The following CDK19 variants were observed in gnomAD, a reference collection of about 807,000 sequenced individuals.
CDK19 encodes the protein cyclin dependent kinase 19, also known as cyclin-dependent kinase 19.
Under a neutral mutation model 68.3 loss-of-function variants are expected in CDK19, and 20 were observed. The observed-to-expected ratio is 0.29, with a 90% CI of 0.21 to 0.43. The LOEUF is 0.43. Ranked by LOEUF, CDK19 falls within the 20% of genes least tolerant of loss-of-function variation. The pLI is 1.00. For synonymous variants in CDK19, 221 were observed against 222.8 expected (o/e 0.99, Z 0.07); for missense variants, 339 against 623.5 (o/e 0.54, Z 4.86).
At chr6:110,623,269 G>T in intron 9 of CDK19, 21 bp downstream of exon 9, 1 of 1,599,534 alleles carries the variant, frequency 6.3e-7, no homozygotes, top group Non-Finnish European at 8.6e-7. Flanking sequence ...TCAGATTTTA[G>T]TCTGGGAGAG....
chr6:110,656,132 T>C (rs939697567), intron 4 of CDK19, among the ~76,000 whole-genome samples: 2 of 152,220 alleles, frequency 1.3e-5, no homozygotes, highest in Non-Finnish European at 2.9e-5. Context: ...CATCCTTGAA[T>C]GTACCTCATA....
intron 4 of CDK19, among the ~76,000 whole-genome samples, chr6:110,662,314 A>C (rs527863621): frequency 5.9e-5 from 9 of 152,230 alleles, no homozygotes; most frequent in African/African-American, 1.7e-4. Flanking sequence ...TGAGACCCTA[A>C]AGCATTCATT....
chr6:110,762,958 C>T (rs974545078), intron 1 of CDK19, among the ~76,000 whole-genome samples: 1 of 152,176 alleles, frequency 6.6e-6, no homozygotes, highest in African/African-American at 2.4e-5. Context: ...ACTGACTTCA[C>T]TGGCTATCTG....
At chr6:110,727,535 T>C (rs528363354) in intron 2 of CDK19, among the ~76,000 whole-genome samples, 1 of 152,334 alleles carries the variant, frequency 6.6e-6, no homozygotes, top group Non-Finnish European at 1.5e-5. Flanking sequence ...TGCTCTTGTA[T>C]AATCCTCTTC....
chr6:110,726,605 T>C (rs960214403), intron 2 of CDK19, among the ~76,000 whole-genome samples: 4 of 152,166 alleles, frequency 2.6e-5, no homozygotes, highest in African/African-American at 4.8e-5. Flanking sequence ...GAACTAGTGG[T>C]TTGGACTTAT....
chr6:110,641,161 A>G (rs981995941), intron 4 of CDK19, among the ~76,000 whole-genome samples: 8 of 145,384 alleles, frequency 5.5e-5, no homozygotes, highest in Non-Finnish European at 4.5e-5. Flanking sequence ...ACCATACTAG[A>G]AAAAAAAAAC....
rs973932777 is a variant in CDK19, at chr6:110,815,384, C to A, written c.-248G>T. Reference sequence around the variant, plus strand: ...GCGGCGGCGGCTCCCGCAGGCACCCCCAGTCCCGCCTCCCTCCTTCATTTC... The same window carrying A: ...GCGGCGGCGGCTCCCGCAGGCACCCACAGTCCCGCCTCCCTCCTTCATTTC... On this transcript the variant is annotated 5_prime_UTR_variant, in exon 1 of 13. Transcript: ENST00000368911. 2.7e-6 allele frequency: 1 copy of A among 376,648 alleles called. No homozygotes were observed. The highest frequency in any genetic ancestry group is 4.7e-6 in the Non-Finnish European group (1 of 213,386). The allele number at this position is 376,648 out of a possible 1,614,324, so 23.3% of individuals were successfully genotyped here. A position where few individuals can be genotyped will look rare whatever the true frequency, so the allele number is the denominator to read the frequency against.
chr6:110,698,634 T>A (rs1030736555), intron 2 of CDK19, among the ~76,000 whole-genome samples: 1 of 152,128 alleles, frequency 6.6e-6, no homozygotes, highest in Admixed American at 6.5e-5. Context: ...CACCATTCAA[T>A]CCAGCAATCC....
At chr6:110,796,409 T>C (rs894044026) in intron 1 of CDK19, among the ~76,000 whole-genome samples, 12 of 152,006 alleles carry the variant, frequency 7.9e-5, no homozygotes, top group African/African-American at 2.4e-4. Context: ...TCCTAGCACT[T>C]TGGGAGGCTG....
At chr6:110,699,672 T>C (rs1773824499) in intron 2 of CDK19, among the ~76,000 whole-genome samples, 1 of 152,262 alleles carries the variant, frequency 6.6e-6, no homozygotes, top group Admixed American at 6.5e-5. Flanking sequence ...TTCACCACTA[T>C]ATAATTCATC....
At chr6:110,770,868 A>G (rs1008053030) in intron 1 of CDK19, among the ~76,000 whole-genome samples, 2 of 152,196 alleles carry the variant, frequency 1.3e-5, no homozygotes, top group African/African-American at 4.8e-5. Flanking sequence ...TTACAGGCCC[A>G]TGCAAATCCG....
chr6:110,657,346 T>C (rs537050418), intron 4 of CDK19, among the ~76,000 whole-genome samples: 2 of 152,308 alleles, frequency 1.3e-5, no homozygotes, highest in South Asian at 2.1e-4. Flanking sequence ...ATAACTATCA[T>C]ATGTAATCTC....
At chr6:110,791,408 T>C (rs1781588614) in intron 1 of CDK19, among the ~76,000 whole-genome samples, 2 of 152,010 alleles carry the variant, frequency 1.3e-5, no homozygotes, top group African/African-American at 4.8e-5. Context: ...TAGATGTAAA[T>C]GGTATAGATT....
In CDK19 at chr6:110,713,440, A is replaced by G. The variant is rs1285918571; in HGVS notation, c.204+32686T>C. Among the ~76,000 whole-genome samples, 3 of 147,838 alleles carry G rather than the reference A, an allele frequency of 2.0e-5. No homozygotes were observed. In the Admixed American group the frequency reaches 2.1e-4, roughly 10 times the overall value. ...GAGAGAGACTCTGTCTCAAAAAAAA[A>G]AAAAAAAAAATCCTGGGCTCAAGTG... On this transcript the variant is annotated intron_variant, in intron 2 of 12. Transcript: ENST00000368911.
intron 1 of CDK19, among the ~76,000 whole-genome samples, chr6:110,748,649 A>C (rs1778238087): frequency 6.6e-6 from 1 of 152,240 alleles, no homozygotes; most frequent in Non-Finnish European, 1.5e-5. Flanking sequence ...GTACTACGTG[A>C]ATGCCAATCT....
rs796620969 is a variant in CDK19 at position 110,773,051 on chromosome 6, T to TC, written c.129-26851_129-26850insG. Among the ~76,000 whole-genome samples, 708 of 132,752 alleles carry TC rather than the reference T, an allele frequency of 5.3e-3. 3 individuals carry two copies. The highest frequency in any genetic ancestry group is 0.023 in the Middle Eastern group (6 of 260). 87.1% of individuals were successfully genotyped at this position (132,752 alleles called of 152,430 possible). ...GGCAACATGGGGAAACCCCGTCTCT[T>TC]AAAAAAAAAAAAAAAAGGTCTCTAT... On this transcript the variant is annotated intron_variant, in intron 1 of 12. Coordinates refer to ENST00000368911, the MANE Select transcript of CDK19 (RefSeq NM_015076.5).
intron 2 of CDK19, chr6:110,670,883 ATAAT>A (rs1295312302): frequency 2.4e-6 from 1 of 409,670 alleles, no homozygotes; most frequent in Non-Finnish European, 4.7e-6. Flanking sequence ...ATATCATTAA[ATAAT>A]TAATTACATT....
In CDK19 at chr6:110,691,302, G is replaced by A. The variant is rs908480660; in HGVS notation, c.205-20761C>T. On this transcript the variant is annotated intron_variant, in intron 2 of 12. Coordinates refer to ENST00000368911, the MANE Select transcript of CDK19 (RefSeq NM_015076.5). ...AGCCTGGCCAACATAGTGAAAACCCGTCTCTACTAAAAATACAAAAAATTA... is the reference window on the plus strand; with the variant it reads ...AGCCTGGCCAACATAGTGAAAACCCATCTCTACTAAAAATACAAAAAATTA... 3.3e-5 allele frequency among the ~76,000 whole-genome samples: 5 copies of A among 152,070 alleles called. No individual in the cohort carries two copies. The South Asian group carries it at 8.3e-4, about 25-fold the overall frequency.
rs77281795 is a variant in CDK19 at position 110,718,694 on chromosome 6, A to T, written c.204+27432T>A. Among the ~76,000 whole-genome samples, 37 of 152,256 alleles carry T rather than the reference A, an allele frequency of 2.4e-4. 1 individual carries two copies. The East Asian group carries it at 7.1e-3, about 29-fold the overall frequency. On this transcript the variant is annotated intron_variant, in intron 2 of 12. Coordinates refer to ENST00000368911, the MANE Select transcript of CDK19 (RefSeq NM_015076.5). Reference sequence around the variant, plus strand: ...TTTATCAAGCTAAATTATATTTTTTAAAATGAGGGCAAAATAAAGACATTT... The same window carrying T: ...TTTATCAAGCTAAATTATATTTTTTTAAATGAGGGCAAAATAAAGACATTT...
Sources: gnomAD v4.1 joint callset for allele counts (sites outside exome capture counted in the v4.1 genomes callset) on GRCh38, gnomAD v4.1.1 for gene constraint, MANE v1.5 for transcripts, NCBI Gene and HGNC (gene_info 2026-07-23, HGNC 2026-07-21) for gene names.